SRD5A2: variants seen among roughly 807,000 people sequenced by gnomAD.
SRD5A2 encodes the protein 3-oxo-5-alpha-steroid 4-dehydrogenase 2.
A neutral mutation model predicts 27.4 loss-of-function variants in SRD5A2; 30 were observed. The observed-to-expected ratio is 1.10, with a 90% CI of 0.82 to 1.49. SRD5A2 has a LOEUF of 1.49. Among genes scored for constraint, SRD5A2 ranks in the 40% most tolerant of loss-of-function variants. The pLI is 0.00. For missense variants in SRD5A2, 348 were observed against 323.4 expected, an observed-to-expected ratio of 1.08 and a Z score of -0.58; for synonymous variants, 141 against 133.6, an observed-to-expected ratio of 1.06 and a Z score of -0.38.
the SRD5A2 span, among the ~76,000 whole-genome samples, chr2:31,649,158 T>C: frequency 6.6e-6 from 1 of 152,210 alleles, no homozygotes; most frequent in Non-Finnish European, 1.5e-5. Context: ...AGCAGTGCTA[T>C]GTTTCCCACA....
At chr2:31,633,563 T>G in the SRD5A2 span, among the ~76,000 whole-genome samples, 23 of 152,304 alleles carry the variant, frequency 1.5e-4, no homozygotes, top group Non-Finnish European at 2.5e-4. Context: ...GACTAAGATC[T>G]ACCATGGTCC....
chr2:31,591,183 T>G, the SRD5A2 span, among the ~76,000 whole-genome samples: 2 of 152,152 alleles, frequency 1.3e-5, no homozygotes, highest in African/African-American at 4.8e-5. Flanking sequence ...TTGCAATCTA[T>G]TCATCTGACA....
the SRD5A2 span, among the ~76,000 whole-genome samples, chr2:31,602,900 G>T: frequency 2.0e-5 from 3 of 151,750 alleles, no homozygotes; most frequent in Non-Finnish European, 2.9e-5. Context: ...CCTTACATCT[G>T]ATACAAAAAT....
At chr2:31,656,479 G>C in the SRD5A2 span, among the ~76,000 whole-genome samples, 2 of 152,112 alleles carry the variant, frequency 1.3e-5, no homozygotes, top group African/African-American at 4.8e-5. Context: ...GTGAAATTAA[G>C]AAGTGGGACC....
chr2:31,648,161 A>G, the SRD5A2 span, among the ~76,000 whole-genome samples: 19 of 152,228 alleles, frequency 1.2e-4, no homozygotes, highest in Non-Finnish European at 2.4e-4. Flanking sequence ...CATTAAATAA[A>G]TTCAGCATGT....
chr2:31,571,254 A>G (rs1666844073), intron 1 of SRD5A2, among the ~76,000 whole-genome samples: 1 of 152,186 alleles, frequency 6.6e-6, no homozygotes, highest in South Asian at 2.1e-4. Flanking sequence ...TACAGTTGAC[A>G]AAAGCAAGTA....
the SRD5A2 span, among the ~76,000 whole-genome samples, chr2:31,653,041 C>G: frequency 6.6e-6 from 1 of 152,166 alleles, no homozygotes; most frequent in East Asian, 1.9e-4. Flanking sequence ...ACTAAGAGCA[C>G]CAGTTGATTC....
chr2:31,627,340 T>G, the SRD5A2 span, among the ~76,000 whole-genome samples: 1 of 149,864 alleles, frequency 6.7e-6, no homozygotes, highest in Non-Finnish European at 1.5e-5. Flanking sequence ...TTGCATTTAA[T>G]TGCATCTTCT....
chr2:31,637,959 T>C, the SRD5A2 span, among the ~76,000 whole-genome samples: 1 of 152,084 alleles, frequency 6.6e-6, no homozygotes, highest in African/African-American at 2.4e-5. Context: ...ATCTATTTCC[T>C]TCTACTAATT....
chr2:31,596,353 A>G, the SRD5A2 span, among the ~76,000 whole-genome samples: 1 of 139,888 alleles, frequency 7.1e-6, no homozygotes, highest in African/African-American at 2.7e-5. Flanking sequence ...ATGCCACTGC[A>G]CTCCAGCCTG....
At chr2:31,581,007 T>G (rs1185604651), upstream of SRD5A2, 12 of 1,276,006 alleles carry the variant, frequency 9.4e-6, no homozygotes, top group Middle Eastern at 2.8e-4. Flanking sequence ...CCCTCGGCCT[T>G]GGCTCCCGCC....
chr2:31,630,958 C>G, the SRD5A2 span, among the ~76,000 whole-genome samples: 1 of 152,180 alleles, frequency 6.6e-6, no homozygotes, highest in Non-Finnish European at 1.5e-5. Context: ...TAGGGAGACT[C>G]TTTTGGAAGC....
At chr2:31,535,672 C>T (rs1401417088) in intron 1 of SRD5A2, among the ~76,000 whole-genome samples, 1 of 152,160 alleles carries the variant, frequency 6.6e-6, no homozygotes, top group Non-Finnish European at 1.5e-5. Flanking sequence ...GAATGCCTCC[C>T]ACCCCACCCA....
the SRD5A2 span, among the ~76,000 whole-genome samples, chr2:31,661,820 T>C: frequency 2.6e-5 from 4 of 152,290 alleles, no homozygotes; most frequent in Middle Eastern, 6.8e-3. Flanking sequence ...TAGTGTCCCA[T>C]AGATCACTTG....
At chr2:31,580,587 C>T (rs754948149) in intron 1 of SRD5A2, 33 bp downstream of exon 1, 4 of 1,493,812 alleles carry the variant, frequency 2.7e-6, no homozygotes, top group Middle Eastern at 2.3e-4. Flanking sequence ...GGGCAGTGCG[C>T]TGCACTGGGC....
chr2:31,574,613 TC>T (rs1487875769), intron 1 of SRD5A2, among the ~76,000 whole-genome samples: 1 of 152,216 alleles, frequency 6.6e-6, no homozygotes, highest in African/African-American at 2.4e-5. Flanking sequence ...ACTCCAAGAC[TC>T]CTACTATTTT....
the SRD5A2 span, among the ~76,000 whole-genome samples, chr2:31,609,089 A>G: frequency 6.6e-6 from 1 of 152,132 alleles, no homozygotes; most frequent in African/African-American, 2.4e-5. Context: ...AGCCCTCACC[A>G]GACATTGAGT....
the SRD5A2 span, among the ~76,000 whole-genome samples, chr2:31,657,975 C>T: frequency 6.6e-6 from 1 of 151,904 alleles, no homozygotes; most frequent in African/African-American, 2.4e-5. Flanking sequence ...AAAAAAATAC[C>T]GAACACAGGC....
the SRD5A2 span, among the ~76,000 whole-genome samples, chr2:31,588,630 T>C: frequency 7.9e-5 from 12 of 152,198 alleles, no homozygotes; most frequent in Non-Finnish European, 1.5e-4. Context: ...CTAAAGGGAA[T>C]ACTTCAATCA....
Sources: gnomAD v4.1 joint callset for allele counts (sites outside exome capture counted in the v4.1 genomes callset) on GRCh38, gnomAD v4.1.1 for gene constraint, MANE v1.5 for transcripts, NCBI Gene and HGNC (gene_info 2026-07-23, HGNC 2026-07-21) for gene names.